Variants in ADCY1 observed in about 807,000 individuals in gnomAD.
The protein encoded by ADCY1 is adenylate cyclase 1.
ADCY1 carries 28 observed loss-of-function variants against 105.4 expected under a neutral mutation model. That is an observed-to-expected ratio of 0.27 (90% CI 0.20 to 0.36). The LOEUF (loss-of-function observed/expected upper bound fraction) is 0.36, where lower values mean the gene tolerates loss of function less well. ADCY1 is among the 10% of genes least tolerant of loss of function. The pLI is 1.00. For synonymous variants in ADCY1, 655 were observed against 623.8 expected, an observed-to-expected ratio of 1.05 and a Z score of -0.75; for missense variants, 977 against 1,434.2, an observed-to-expected ratio of 0.68 and a Z score of 5.15.
chr7:45,703,674 C>G lies in ADCY1; in HGVS notation c.2646C>G (p.Ile882Met). The change falls in exon 16 of 20, where the codon ATC becomes ATG. Residue 882 changes from isoleucine to methionine, a missense_variant. By Grantham distance (10) the Ile-to-Met change is conservative. Around this residue, in one of 7 missense-constraint regions of ADCY1, gnomAD observed 152 missense variants for 293.7 expected, o/e 0.52. Transcript: ENST00000297323. This position sits in a 1 kb window ranked among gnomAD's most constrained non-coding sequence, Gnocchi z 5.9. ...TCCCCAACTTCAATGACTTCTACAT[C>G]GAGCTGGACGGCAACAACATGGGGG... ...ASIPNFNDFY[I>M]ELDGNNMGVE... The G allele has an allele frequency of 6.2e-7, 1 of 1,613,014 alleles. No homozygotes were observed. Among genetic ancestry groups the G allele is most frequent in the Non-Finnish European group, 8.5e-7 (1 of 1,179,430 alleles).
intron 5 of ADCY1, among the ~76,000 whole-genome samples, chr7:45,656,992 C>T (rs1204368542): frequency 6.6e-6 from 1 of 152,242 alleles, no homozygotes; most frequent in Non-Finnish European, 1.5e-5. Context: ...TAGAGATGGG[C>T]ATCGTGTACC....
intron 4 of ADCY1, among the ~76,000 whole-genome samples, chr7:45,636,067 A>G (rs527245046): frequency 1.3e-5 from 2 of 152,296 alleles, no homozygotes; most frequent in South Asian, 4.1e-4. Flanking sequence ...ATTATTAAGA[A>G]ATGACCTTCT....
At chr7:45,623,571 A>G (rs1299133949) in intron 4 of ADCY1, among the ~76,000 whole-genome samples, 2 of 152,216 alleles carry the variant, frequency 1.3e-5, no homozygotes, top group African/African-American at 4.8e-5. Flanking sequence ...CATCTATTGC[A>G]TGGCATCGAT....
At chr7:45,688,604 T>C (rs934019735) in intron 14 of ADCY1, among the ~76,000 whole-genome samples, 1 of 152,196 alleles carries the variant, frequency 6.6e-6, no homozygotes, top group Non-Finnish European at 1.5e-5. Context: ...GGAAATTATG[T>C]TGTTGATTTG....
At chr7:45,682,354 G>A (rs542535696) in intron 11 of ADCY1, among the ~76,000 whole-genome samples, 15 of 152,314 alleles carry the variant, frequency 9.8e-5, no homozygotes, top group African/African-American at 3.6e-4. Flanking sequence ...GGCAGGATGT[G>A]GACTTTTTCT....
At position 45,668,590 on chromosome 7, in the gene ADCY1, C is replaced by CT. The variant is rs938684354; in HGVS notation, c.1605+6384dup. ...ATCAGGGATATTGGTCTAAAATTCTCTTTTTTTTGTTGTGTCTTTGCCAGG... is the reference window on the plus strand; with the variant it reads ...ATCAGGGATATTGGTCTAAAATTCTCTTTTTTTTTGTTGTGTCTTTGCCAGG... On this transcript the variant is annotated intron_variant, in intron 8 of 19. Coordinates refer to ENST00000297323, the MANE Select transcript of ADCY1 (RefSeq NM_021116.4). Among the ~76,000 whole-genome samples the CT allele has an allele frequency of 1.0e-3, 152 of 152,020 alleles. 2 individuals carry two copies. The highest frequency in any genetic ancestry group is 2.9e-3 in the African/African-American group (121 of 41,494).
At chr7:45,619,714 G>T (rs1409260782) in intron 3 of ADCY1, among the ~76,000 whole-genome samples, 1 of 152,168 alleles carries the variant, frequency 6.6e-6, no homozygotes, top group Non-Finnish European at 1.5e-5. Context: ...AATGGTGGTT[G>T]CTAGGGAAAG....
Position 45,721,459 on chromosome 7 carries a change from ATTT to A in ADCY1, c.*7469_*7471del. 1 of 389,546 alleles carries A rather than the reference ATTT, an allele frequency of 2.6e-6. No individual in the cohort carries two copies. Among genetic ancestry groups the A allele is most frequent in the East Asian group, 3.6e-5 (1 of 27,464 alleles). The allele number at this position is 389,546 out of a possible 1,614,324, so 24.1% of individuals were successfully genotyped here. On this transcript the variant is annotated 3_prime_UTR_variant, in exon 20 of 20. Transcript: ENST00000297323. ...GAATCTCCTTAAGAGCTGTTGCCTT[ATTT>A]TTTTGTAAAGCCTCTCTGACATCAA...
chr7:45,590,396 T>C (rs1792878551), intron 1 of ADCY1, among the ~76,000 whole-genome samples: 1 of 152,188 alleles, frequency 6.6e-6, no homozygotes, highest in Non-Finnish European at 1.5e-5. Flanking sequence ...CTTTAGAAAG[T>C]GGGTGGTGGC....
intron 2 of ADCY1, among the ~76,000 whole-genome samples, chr7:45,597,268 T>C (rs7804996): frequency 0.071 from 10,815 of 152,300 alleles, 396 homozygotes; most frequent in African/African-American, 0.086. Context: ...TGCCCTTGCT[T>C]CGAGCCTCCT....
intron 3 of ADCY1, among the ~76,000 whole-genome samples, chr7:45,610,845 C>CGGAGGT (rs1793546904): frequency 1.0e-4 from 10 of 98,746 alleles, no homozygotes; most frequent in East Asian, 3.3e-4. Context: ...GGTGTGGAGG[C>CGGAGGT]GATATTGGAG....
At chr7:45,673,046 T>C (rs1369166242) in intron 8 of ADCY1, among the ~76,000 whole-genome samples, 1 of 152,206 alleles carries the variant, frequency 6.6e-6, no homozygotes, top group Non-Finnish European at 1.5e-5. Flanking sequence ...AAATGGTTTT[T>C]CTGTATCAAT....
rs1367521274 is a variant in ADCY1, at chr7:45,660,215, T to G, written c.1449+32T>G. On this transcript the variant is annotated intron_variant, in intron 7 of 19. Coordinates refer to ENST00000297323, the MANE Select transcript of ADCY1 (RefSeq NM_021116.4). ...ACCAGAGCCCCCCTCATTTGGTTGA[T>G]CCTTAGCTTCTTGGCCTGTGCAGAG... 5.6e-6 allele frequency: 9 copies of G among 1,613,082 alleles called. No individual in the cohort carries two copies. The East Asian group carries it at 1.8e-4, about 32-fold the overall frequency.
chr7:45,638,855 A>G (rs942411929), intron 4 of ADCY1, among the ~76,000 whole-genome samples: 1 of 152,194 alleles, frequency 6.6e-6, no homozygotes, highest in African/African-American at 2.4e-5. Flanking sequence ...GTCCATGCAT[A>G]CTGAAGCCCA....
chr7:45,690,227 G>A lies in ADCY1; in HGVS notation c.2454+3554G>A, dbSNP rs539587955. Among the ~76,000 whole-genome samples, 36 of 152,272 alleles carry A rather than the reference G, an allele frequency of 2.4e-4. No individual in the cohort carries two copies. In the East Asian group the frequency reaches 2.7e-3, roughly 11 times the overall value. ...GTGGAGGTAGAGTGGGTCTCCAGGG[G>A]GCTGTGCATGTATCACAGCCTGGGC... On this transcript the variant is annotated intron_variant, in intron 14 of 19. Coordinates refer to ENST00000297323, the MANE Select transcript of ADCY1 (RefSeq NM_021116.4).
chr7:45,617,494 C>T (rs1793769027), intron 3 of ADCY1, among the ~76,000 whole-genome samples: 1 of 152,118 alleles, frequency 6.6e-6, no homozygotes, highest in East Asian at 1.9e-4. Context: ...CTGGGGCTGA[C>T]CCCACTTTCC....
chr7:45,575,263 C>A lies in ADCY1; in HGVS notation c.639+81C>A. 2.0e-6 allele frequency: 3 copies of A among 1,488,670 alleles called. No individual in the cohort carries two copies. Among genetic ancestry groups the A allele is most frequent in the Non-Finnish European group, 2.7e-6 (3 of 1,125,314 alleles). The allele number at this position is 1,488,670 out of a possible 1,614,324, so 92.2% of individuals were successfully genotyped here. ...CTGGGAATGCCCGGAGTCGGGCGCG[C>A]TTTTTCCTATGCGGCGGGTGGGGAC... On this transcript the variant is annotated intron_variant, in intron 1 of 19. Coordinates refer to ENST00000297323, the MANE Select transcript of ADCY1 (RefSeq NM_021116.4). The surrounding 1 kb of genome is among the most constrained non-coding windows in gnomAD (Gnocchi z 4.7).
chr7:45,694,135 A>C (rs1292512369), intron 14 of ADCY1, among the ~76,000 whole-genome samples: 7 of 142,130 alleles, frequency 4.9e-5, no homozygotes, highest in Non-Finnish European at 9.4e-5. Context: ...AAAAAAAAAA[A>C]AACACTGTCA....
rs181110167 is a variant in ADCY1 at position 45,703,674 on chromosome 7, C to A, written c.2646C>A (p.Ile882=). The A allele has an allele frequency of 6.2e-7, 1 of 1,613,014 alleles. No homozygotes were observed. Among genetic ancestry groups the A allele is most frequent in the African/African-American group, 1.3e-5 (1 of 75,026 alleles). ...ASIPNFNDFY[I]ELDGNNMGVE... Reference sequence around the variant, plus strand: ...TCCCCAACTTCAATGACTTCTACATCGAGCTGGACGGCAACAACATGGGGG... The same window carrying A: ...TCCCCAACTTCAATGACTTCTACATAGAGCTGGACGGCAACAACATGGGGG... The change falls in exon 16 of 20, where the codon ATC becomes ATA. Residue 882 remains isoleucine (I), a synonymous_variant. Transcript: ENST00000297323. The surrounding 1 kb of genome is among the most constrained non-coding windows in gnomAD (Gnocchi z 5.9).
Sources: allele counts gnomAD v4.1 joint callset (sites outside exome capture counted in the v4.1 genomes callset), GRCh38; gene constraint gnomAD v4.1.1; regional missense constraint gnomAD v4.1.1; non-coding constraint Gnocchi (gnomAD v3.1); transcripts MANE v1.5; gene names NCBI Gene and HGNC (gene_info 2026-07-23, HGNC 2026-07-21).